Variants in SEMA3C observed in about 807,000 individuals in gnomAD.
SEMA3C encodes semaphorin 3C, also known as semaphorin-3C.
Under a neutral mutation model 89.4 loss-of-function variants are expected in SEMA3C, and 47 were observed. The observed-to-expected ratio is 0.53, with a 90% CI of 0.42 to 0.67. The LOEUF (loss-of-function observed/expected upper bound fraction) is 0.67, where lower values mean the gene tolerates loss of function less well. Among genes scored for constraint, SEMA3C ranks in the 30% least tolerant of loss-of-function variants. The pLI, the probability that SEMA3C is intolerant of heterozygous loss-of-function variation, is 0.00. For synonymous variants in SEMA3C, 310 were observed against 320.2 expected (o/e 0.97, Z 0.34); for missense variants, 839 against 929.1 (o/e 0.90, Z 1.26).
intron 12 of SEMA3C, among the ~76,000 whole-genome samples, chr7:80,785,375 T>C (rs1028786191): frequency 1.3e-5 from 2 of 152,168 alleles, no homozygotes; most frequent in Non-Finnish European, 2.9e-5. Context: ...GAATTTTCCA[T>C]GATGATACAG....
At chr7:80,868,662 T>C in intron 2 of SEMA3C, among the ~76,000 whole-genome samples, 1 of 152,228 alleles carries the variant, frequency 6.6e-6, no homozygotes, top group South Asian at 2.1e-4. Flanking sequence ...CCTTTCTCTA[T>C]AAGCAAAAAT....
At chr7:80,767,195 T>C (rs1470202828) in intron 12 of SEMA3C, among the ~76,000 whole-genome samples, 1 of 152,230 alleles carries the variant, frequency 6.6e-6, no homozygotes, top group Non-Finnish European at 1.5e-5. Flanking sequence ...TTCCTTATTC[T>C]GAGGAGGCAG....
chr7:80,834,232 A>G (rs143380431), intron 2 of SEMA3C, among the ~76,000 whole-genome samples: 142 of 152,252 alleles, frequency 9.3e-4, no homozygotes, highest in African/African-American at 2.8e-3. Flanking sequence ...GTTTTCTACA[A>G]TCTACATTAT....
intron 11 of SEMA3C, among the ~76,000 whole-genome samples, chr7:80,797,161 T>G (rs1789084875): frequency 6.6e-6 from 1 of 152,086 alleles, no homozygotes; most frequent in African/African-American, 2.4e-5. Context: ...CCCTATTTTA[T>G]GAAATACAGA....
intron 3 of SEMA3C, among the ~76,000 whole-genome samples, chr7:80,827,966 C>A (rs138552766): frequency 1.8e-3 from 275 of 151,718 alleles, no homozygotes; most frequent in African/African-American, 6.2e-3. Flanking sequence ...CAAGAGATTC[C>A]CTCTCTCTGA....
chr7:80,745,341 G>C (rs772460834), intron 17 of SEMA3C, 34 bp from the exon 18 acceptor site: 2 of 1,575,664 alleles, frequency 1.3e-6, no homozygotes, highest in Non-Finnish European at 1.7e-6. Flanking sequence ...TACTGAAACT[G>C]AACATTATAT....
intron 10 of SEMA3C, among the ~76,000 whole-genome samples, 184 bp downstream of exon 10, chr7:80,800,573 T>G (rs995465772): frequency 6.6e-6 from 1 of 152,178 alleles, no homozygotes; most frequent in African/African-American, 2.4e-5. Flanking sequence ...ACAAAAGTAT[T>G]TGGAAAGCAT....
At chr7:80,890,466 C>T (rs985796391) in intron 2 of SEMA3C, among the ~76,000 whole-genome samples, 1 of 152,110 alleles carries the variant, frequency 6.6e-6, no homozygotes, top group African/African-American at 2.4e-5. Context: ...GTAAAATAAA[C>T]TTTAGAAACC....
At chr7:80,830,710 G>C (rs184965838) in intron 2 of SEMA3C, among the ~76,000 whole-genome samples, 13 of 152,284 alleles carry the variant, frequency 8.5e-5, no homozygotes, top group Non-Finnish European at 1.9e-4. Flanking sequence ...GGGCTTGGGT[G>C]CTGAGCATGG....
chr7:80,768,418 G>A (rs1054575100), intron 12 of SEMA3C, among the ~76,000 whole-genome samples: 13 of 152,154 alleles, frequency 8.5e-5, no homozygotes, highest in African/African-American at 2.9e-4. Flanking sequence ...GGAGGCTGAG[G>A]CAGGAGAATG....
Position 80,815,281 on chromosome 7 carries a change from G to A in SEMA3C, c.447+3018C>T, listed in dbSNP as rs557464181. Among the ~76,000 whole-genome samples, 28 of 152,130 alleles carry A rather than the reference G, an allele frequency of 1.8e-4. No homozygotes were observed. In the East Asian group the frequency reaches 3.5e-3, roughly 19 times the overall value. ...ATGGTGGAATTTAATGTCACAGATC[G>A]TTCTAGGAGAAGGGATACAAAATGA... On this transcript the variant is annotated intron_variant, in intron 5 of 17. Coordinates refer to ENST00000265361, the MANE Select transcript of SEMA3C (RefSeq NM_006379.5).
intron 16 of SEMA3C, 26 bp from the exon 17 acceptor site, chr7:80,749,054 A>C (rs1468295690): frequency 1.3e-6 from 2 of 1,575,464 alleles, no homozygotes; most frequent in South Asian, 2.4e-5. Flanking sequence ...AAAAGGCGAG[A>C]GAGAAAGAAA....
chr7:80,791,287 T>A (rs1179199182), intron 11 of SEMA3C, among the ~76,000 whole-genome samples: 1 of 152,114 alleles, frequency 6.6e-6, no homozygotes, highest in African/African-American at 2.4e-5. Context: ...GATCTGAGTG[T>A]TAAGTTATAT....
chr7:80,833,489 G>A (rs1414455997), intron 2 of SEMA3C, among the ~76,000 whole-genome samples: 1 of 151,824 alleles, frequency 6.6e-6, no homozygotes, highest in East Asian at 1.9e-4. Flanking sequence ...GAAAAGAAAA[G>A]AAAATCGTCA....
At chr7:80,872,998 G>T (rs1358564526) in intron 2 of SEMA3C, among the ~76,000 whole-genome samples, 1 of 151,166 alleles carries the variant, frequency 6.6e-6, no homozygotes, top group Non-Finnish European at 1.5e-5. Flanking sequence ...TGGACCCCCT[G>T]AAAGATCCTG....
intron 2 of SEMA3C, among the ~76,000 whole-genome samples, chr7:80,893,966 CT>C (rs1480263805): frequency 6.6e-6 from 1 of 152,166 alleles, no homozygotes; most frequent in African/African-American, 2.4e-5. Flanking sequence ...CATTCCTCTA[CT>C]TTAATTACCA....
At chr7:80,746,730 T>TGTGTGTGTGA (rs1183431767) in intron 17 of SEMA3C, among the ~76,000 whole-genome samples, 1 of 151,198 alleles carries the variant, frequency 6.6e-6, no homozygotes, top group Non-Finnish European at 1.5e-5. Context: ...TGTGTGTGTG[T>TGTGTGTGTGA]GTGTGTGTGT....
intron 10 of SEMA3C, among the ~76,000 whole-genome samples, chr7:80,799,645 C>G (rs772364935): frequency 2.7e-5 from 4 of 150,732 alleles, no homozygotes; most frequent in Non-Finnish European, 4.4e-5. Flanking sequence ...AGTTTGAGAC[C>G]AGCCTGACCA....
intron 12 of SEMA3C, among the ~76,000 whole-genome samples, chr7:80,778,193 GT>G (rs1404271454): frequency 6.6e-6 from 1 of 152,128 alleles, no homozygotes; most frequent in Non-Finnish European, 1.5e-5. Flanking sequence ...TAAAATTAAT[GT>G]TTTAGGACTT....
Sources: gnomAD v4.1 joint callset for allele counts (sites outside exome capture counted in the v4.1 genomes callset) on GRCh38, gnomAD v4.1.1 for gene constraint, MANE v1.5 for transcripts, NCBI Gene and HGNC (gene_info 2026-07-23, HGNC 2026-07-21) for gene names.